The following ZNF626 variants were observed in gnomAD, a reference collection of about 807,000 sequenced individuals.
ZNF626 encodes the protein CTC-513N18.7.
A neutral mutation model predicts 11.7 loss-of-function variants in ZNF626; 4 were observed. The observed-to-expected ratio is 0.34, with a 90% CI of 0.17 to 0.78. The LOEUF (loss-of-function observed/expected upper bound fraction) is 0.78. Ranked by LOEUF, ZNF626 falls within the 30% of genes least tolerant of loss-of-function variation. The pLI is 0.57. For missense variants in ZNF626, 588 were observed against 587.1 expected, an observed-to-expected ratio of 1.00 and a Z score of -0.01; for synonymous variants, 179 against 198.6, an observed-to-expected ratio of 0.90 and a Z score of 0.83.
At chr19:20,645,490 G>C (rs200113331) in intron 3 of ZNF626, 194 bp downstream of exon 3, 3 of 1,590,454 alleles carry the variant, frequency 1.9e-6, no homozygotes, top group East Asian at 2.2e-5. Context: ...AAAAGCATAA[G>C]ACAGAAGATG....
At chr19:20,650,470 A>G (rs1555772476) in intron 1 of ZNF626, among the ~76,000 whole-genome samples, 1 of 152,210 alleles carries the variant, frequency 6.6e-6, no homozygotes, top group Non-Finnish European at 1.5e-5. Context: ...AAGACCCTAT[A>G]ACACATAATT....
rs1969739050 is a variant in ZNF626, at chr19:20,619,973, A to G, written c.*4317T>C. 1 of 152,236 alleles carries G rather than the reference A, an allele frequency of 6.6e-6. No homozygotes were observed. The highest frequency in any genetic ancestry group is 2.4e-5 in the African/African-American group (1 of 41,458). 9.4% of individuals were successfully genotyped at this position (152,236 alleles called of 1,614,324 possible). A position where few individuals can be genotyped will look rare whatever the true frequency, so the allele number is the denominator to read the frequency against. On this transcript the variant is annotated 3_prime_UTR_variant, in exon 4 of 4. Coordinates refer to ENST00000601440, the MANE Select transcript of ZNF626 (RefSeq NM_001076675.3). ...CTTTCCAGTTTTATTCATTACAAAT[A>G]TTAACTAACATCTTTTTTTCTGGCT...
chr19:20,626,786 G>C (rs1969839674), intron 3 of ZNF626, among the ~76,000 whole-genome samples: 1 of 151,520 alleles, frequency 6.6e-6, no homozygotes, highest in Non-Finnish European at 1.5e-5. Context: ...AGGCCACCTT[G>C]GCCTCCTAAT....
chr19:20,645,488 A>G, intron 3 of ZNF626, 196 bp downstream of exon 3: 1 of 1,590,746 alleles, frequency 6.3e-7, no homozygotes, highest in Non-Finnish European at 8.5e-7. Context: ...TTAAAAGCAT[A>G]AGACAGAAGA....
chr19:20,653,113 C>A (rs570145735), intron 1 of ZNF626, among the ~76,000 whole-genome samples: 6 of 152,148 alleles, frequency 3.9e-5, no homozygotes, highest in Non-Finnish European at 5.9e-5. Context: ...ATGGCATGCA[C>A]TTTTCTGCAC....
intron 3 of ZNF626, among the ~76,000 whole-genome samples, chr19:20,643,109 G>GTA (rs1970041053): frequency 1.3e-5 from 2 of 151,984 alleles, no homozygotes; most frequent in Admixed American, 6.6e-5. Flanking sequence ...CATGCACTGT[G>GTA]TAGCAGTAAA....
At chr19:20,641,641 G>A (rs1037271213) in intron 3 of ZNF626, among the ~76,000 whole-genome samples, 2 of 152,108 alleles carry the variant, frequency 1.3e-5, no homozygotes, top group Admixed American at 6.6e-5. Flanking sequence ...CCAAGCTGGT[G>A]TGTAGTGGCA....
Position 20,620,507 on chromosome 19 carries a change from G to T in ZNF626, c.*3783C>A, listed in dbSNP as rs1180332904. The T allele has an allele frequency of 2.0e-5, 3 of 152,124 alleles. No homozygotes were observed. The highest frequency in any genetic ancestry group is 1.9e-4 in the East Asian group (1 of 5,196). 9.4% of individuals were successfully genotyped at this position (152,124 alleles called of 1,614,324 possible). Reference sequence around the variant, plus strand: ...CAGGCAGAGTGACCACATGTTCAAAGAAACTATATAACAAATATTTATTAA... The same window carrying T: ...CAGGCAGAGTGACCACATGTTCAAATAAACTATATAACAAATATTTATTAA... On this transcript the variant is annotated 3_prime_UTR_variant, in exon 4 of 4. Coordinates refer to ENST00000601440, the MANE Select transcript of ZNF626 (RefSeq NM_001076675.3).
Position 20,623,185 on chromosome 19 carries a change from A to G in ZNF626, c.*1105T>C, listed in dbSNP as rs1969777230. ...TATGTTGAGTAAGATGTGAGTAGGC[A>G]TTAATGGGTTTTCCATATTCTTTAT... On this transcript the variant is annotated 3_prime_UTR_variant, in exon 4 of 4. Transcript: ENST00000601440. 6.6e-6 allele frequency: 1 copy of G among 152,240 alleles called. No individual in the cohort carries two copies. The allele number at this position is 152,240 out of a possible 1,614,324, so 9.4% of individuals were successfully genotyped here.
Position 20,661,357 on chromosome 19 carries a change from G to C in ZNF626, c.3+87C>G, listed in dbSNP as rs1970265832. On this transcript the variant is annotated intron_variant, in intron 1 of 3. Coordinates refer to ENST00000601440, the MANE Select transcript of ZNF626 (RefSeq NM_001076675.3). ...GGGAGCAGACTGTGGAGCTGACTGC[G>C]GGGAGGCCTGAGTCCCGCCACAGCC... 22 of 1,548,048 alleles carry C rather than the reference G, an allele frequency of 1.4e-5. No homozygotes were observed. The South Asian group carries it at 1.6e-4, about 11-fold the overall frequency.
chr19:20,625,440 T>G lies in ZNF626; in HGVS notation c.437A>C (p.Gln146Pro), dbSNP rs1315547311. The change falls in exon 4 of 4, where the codon CAA becomes CCA. Residue 146 changes from glutamine to proline, a missense_variant. Coordinates refer to ENST00000601440, the MANE Select transcript of ZNF626 (RefSeq NM_001076675.3). ...CLTTTPRKICQCDKYVKVLHQ... is the reference protein window; with the variant it reads ...CLTTTPRKICPCDKYVKVLHQ... ...AAGGACTTTCACATATTTATCACAT[T>G]GACATATTTTTCTTGGGGTAGTTGT... The G allele has an allele frequency of 5.0e-6, 8 of 1,614,014 alleles. No homozygotes were observed. The Admixed American group carries it at 1.2e-4, about 24-fold the overall frequency.
chr19:20,661,183 C>T (rs1213877703), intron 1 of ZNF626, among the ~76,000 whole-genome samples: 3 of 152,166 alleles, frequency 2.0e-5, no homozygotes, highest in Admixed American at 2.0e-4. Flanking sequence ...AGAGACGCCA[C>T]GCTGCGGGTG....
intron 3 of ZNF626, among the ~76,000 whole-genome samples, chr19:20,626,102 A>G (rs1235311678): frequency 1.8e-5 from 1 of 54,622 alleles, no homozygotes; most frequent in Non-Finnish European, 6.2e-5. Context: ...CTGTACTAAA[A>G]TTACAAAAAA....
intron 3 of ZNF626, among the ~76,000 whole-genome samples, chr19:20,642,722 T>TA (rs1460544892): frequency 6.6e-6 from 1 of 151,816 alleles, no homozygotes; most frequent in Non-Finnish European, 1.5e-5. Flanking sequence ...GAAGTATCAT[T>TA]ACGAAAATTT....
chr19:20,647,009 G>A (rs75298160), intron 1 of ZNF626, among the ~76,000 whole-genome samples: 4,951 of 147,780 alleles, frequency 0.034, 121 homozygotes, highest in Non-Finnish European at 0.044. Context: ...CACCGCACCC[G>A]GTAATTTTTT....
chr19:20,658,542 C>T (rs1418969509), intron 1 of ZNF626, among the ~76,000 whole-genome samples: 1 of 152,132 alleles, frequency 6.6e-6, no homozygotes, highest in Admixed American at 6.5e-5. Context: ...TCTTCTGTCA[C>T]CCTGGAAGAA....
intron 3 of ZNF626, among the ~76,000 whole-genome samples, chr19:20,633,922 C>T (rs905386122): frequency 2.6e-5 from 4 of 152,170 alleles, no homozygotes; most frequent in African/African-American, 9.7e-5. Context: ...CCTATTCGGC[C>T]ATCTTGGCTC....
chr19:20,638,237 A>G (rs1245119575), intron 3 of ZNF626, among the ~76,000 whole-genome samples: 2 of 152,118 alleles, frequency 1.3e-5, no homozygotes, highest in East Asian at 3.9e-4. Context: ...AGCCTGGCCA[A>G]CACGGTGAAA....
At chr19:20,628,633 GT>G (rs1462851681) in intron 3 of ZNF626, among the ~76,000 whole-genome samples, 2 of 152,078 alleles carry the variant, frequency 1.3e-5, no homozygotes, top group African/African-American at 4.8e-5. Flanking sequence ...GGGGCTGTTT[GT>G]TTTTTTCTTG....
Sources: gnomAD v4.1 joint callset for allele counts (sites outside exome capture counted in the v4.1 genomes callset) on GRCh38, gnomAD v4.1.1 for gene constraint, MANE v1.5 for transcripts, NCBI Gene and HGNC (gene_info 2026-07-23, HGNC 2026-07-21) for gene names.